KDM1A: variants seen among roughly 807,000 people sequenced by gnomAD.
KDM1A encodes the protein lysine-specific histone demethylase 1A.
Under a neutral mutation model 109.4 loss-of-function variants are expected in KDM1A, and 49 were observed. The observed-to-expected ratio is 0.45, with a 90% CI of 0.36 to 0.57. The LOEUF (loss-of-function observed/expected upper bound fraction) is 0.57. Among genes scored for constraint, KDM1A ranks in the 20% least tolerant of loss-of-function variants. The pLI is 0.00. For missense variants in KDM1A, 668 were observed against 1,116.6 expected (o/e 0.60, Z 5.73); for synonymous variants, 380 against 415.4 (o/e 0.91, Z 1.04).
chr1:23,019,500 C>T lies in KDM1A; in HGVS notation c.-97C>T, dbSNP rs949814928. ...GCGTACGCGACGGCGGTTGGCGGCG[C>T]GCGGGCAGCGTGAAGCGAGGCGAGG... On this transcript the variant is annotated 5_prime_UTR_variant, in exon 1 of 21. Coordinates refer to ENST00000400181, the MANE Select transcript of KDM1A (RefSeq NM_001009999.3). The T allele has an allele frequency of 1.3e-5, 17 of 1,298,936 alleles. No individual in the cohort carries two copies. Among genetic ancestry groups the T allele is most frequent in the Non-Finnish European group, 1.7e-5 (17 of 1,024,238 alleles). The allele number at this position is 1,298,936 out of a possible 1,614,324, so 80.5% of individuals were successfully genotyped here. A position where few individuals can be genotyped will look rare whatever the true frequency, so the allele number is the denominator to read the frequency against.
chr1:23,027,721 C>CTTTT (rs34716853), intron 1 of KDM1A, among the ~76,000 whole-genome samples: 1 of 136,530 alleles, frequency 7.3e-6, no homozygotes, highest in Admixed American at 7.3e-5. Context: ...CGCTCCCAGC[C>CTTTT]TTTTTTTTTT....
Position 23,019,780 on chromosome 1 carries a change from A to C in KDM1A, c.184A>C (p.Lys62Gln). ...PGAVGERTPR[K>Q]KEPPRASPPG... Reference sequence around the variant, plus strand: ...GGCGGTGGGGGAGCGCACACCCCGCAAGAAAGAGCCTCCGCGGGCCTCGCC... The same window carrying C: ...GGCGGTGGGGGAGCGCACACCCCGCCAGAAAGAGCCTCCGCGGGCCTCGCC... The change falls in exon 1 of 21, where the codon AAG becomes CAG. Residue 62 changes from lysine (K) to glutamine (Q), a missense_variant. Lys to Gln is a moderately conservative substitution (Grantham distance 53). This residue lies in a region of KDM1A where 156 missense variants were observed against 163.4 expected (regional missense o/e 0.95). Coordinates refer to ENST00000400181, the MANE Select transcript of KDM1A (RefSeq NM_001009999.3). 7.3e-7 allele frequency: 1 copy of C among 1,375,722 alleles called. No individual in the cohort carries two copies. Among genetic ancestry groups the C allele is most frequent in the Non-Finnish European group, 9.4e-7 (1 of 1,063,828 alleles). 85.2% of individuals were successfully genotyped at this position (1,375,722 alleles called of 1,614,324 possible).
rs1471164708 is a variant in KDM1A, at chr1:23,019,506, C to T, written c.-91C>T. ...GCGACGGCGGTTGGCGGCGCGCGGG[C>T]AGCGTGAAGCGAGGCGAGGCAAGGC... On this transcript the variant is annotated 5_prime_UTR_variant, in exon 1 of 21. Coordinates refer to ENST00000400181, the MANE Select transcript of KDM1A (RefSeq NM_001009999.3). 9.2e-6 allele frequency: 12 copies of T among 1,304,294 alleles called. No homozygotes were observed. In the East Asian group the frequency reaches 2.0e-4, roughly 22 times the overall value. 80.8% of individuals were successfully genotyped at this position (1,304,294 alleles called of 1,614,324 possible).
chr1:23,070,793 G>A (rs2124515269), intron 12 of KDM1A, among the ~76,000 whole-genome samples: 1 of 151,566 alleles, frequency 6.6e-6, no homozygotes, highest in African/African-American at 2.4e-5. Context: ...GGGCGACAGA[G>A]TGAGACTCTG....
intron 5 of KDM1A, among the ~76,000 whole-genome samples, chr1:23,054,768 G>A (rs376331877): frequency 6.6e-6 from 1 of 151,976 alleles, no homozygotes; most frequent in Non-Finnish European, 1.5e-5. Flanking sequence ...CTAGGACTAT[G>A]GGCATGCACC....
chr1:23,019,749 G>A lies in KDM1A; in HGVS notation c.153G>A (p.Gly51=), dbSNP rs1641552415. ...PAGLSGPAEV[G]PGAVGERTPR... ...GCCTGTCGGGCCCAGCCGAGGTCGG[G>A]CCGGGGGCGGTGGGGGAGCGCACAC... Residue 51 remains glycine (G), a synonymous_variant, in exon 1 of 21, where the codon GGG becomes GGA. Transcript: ENST00000400181. The A allele has an allele frequency of 2.2e-6, 3 of 1,343,114 alleles. No individual in the cohort carries two copies. Among genetic ancestry groups the A allele is most frequent in the African/African-American group, 1.5e-5 (1 of 64,782 alleles). 83.2% of individuals were successfully genotyped at this position (1,343,114 alleles called of 1,614,324 possible).
intron 1 of KDM1A, among the ~76,000 whole-genome samples, chr1:23,026,355 T>C (rs909122550): frequency 6.0e-5 from 9 of 150,536 alleles, no homozygotes; most frequent in African/African-American, 2.2e-4. Context: ...GGAAAAAGTT[T>C]TGTTTTTTTG....
chr1:23,073,813 T>C (rs932484883), intron 15 of KDM1A, among the ~76,000 whole-genome samples: 16 of 152,214 alleles, frequency 1.1e-4, no homozygotes, highest in Admixed American at 9.2e-4. Context: ...ATGAAGTTTT[T>C]GAGATTCATC....
intron 2 of KDM1A, among the ~76,000 whole-genome samples, chr1:23,032,957 T>C (rs1272995044): frequency 6.6e-6 from 1 of 152,182 alleles, no homozygotes; most frequent in Non-Finnish European, 1.5e-5. Context: ...TGGAGTGCAG[T>C]GGCATGATCT....
Position 23,019,865 on chromosome 1 carries a change from T to C in KDM1A, c.269T>C (p.Val90Ala). The C allele has an allele frequency of 6.5e-7, 1 of 1,544,446 alleles. No homozygotes were observed. Among genetic ancestry groups the C allele is most frequent in the Non-Finnish European group, 8.7e-7 (1 of 1,148,882 alleles). The change falls in exon 1 of 21, where the codon GTG (valine) becomes GCG (alanine). Residue 90 changes from valine to alanine, a missense_variant. Val to Ala is a moderately conservative substitution (Grantham distance 64, BLOSUM62 0). Around this residue, in one of 8 missense-constraint regions of KDM1A, gnomAD observed 156 missense variants for 163.4 expected, o/e 0.95. Coordinates refer to ENST00000400181, the MANE Select transcript of KDM1A (RefSeq NM_001009999.3). ...GGGCCTCAGGCCGGCCCTACTGTCGTGCCTGGGTCTGCGACCCCCATGGAA... is the reference window on the plus strand; with the variant it reads ...GGGCCTCAGGCCGGCCCTACTGTCGCGCCTGGGTCTGCGACCCCCATGGAA... ...SAGPQAGPTV[V>A]PGSATPMETG... is the part of the protein sequence containing the mutation.
chr1:23,062,979 G>T (rs1643042759), intron 9 of KDM1A, among the ~76,000 whole-genome samples: 1 of 152,088 alleles, frequency 6.6e-6, no homozygotes, highest in Admixed American at 6.6e-5. Context: ...CATGCGGAAG[G>T]TTGGGAAATA....
At chr1:23,027,057 A>G (rs759190555) in intron 1 of KDM1A, among the ~76,000 whole-genome samples, 2 of 152,136 alleles carry the variant, frequency 1.3e-5, no homozygotes, top group Non-Finnish European at 2.9e-5. Flanking sequence ...GCAATTTTAA[A>G]ATTATCTAAA....
chr1:23,079,072 C>T lies in KDM1A; in HGVS notation c.1950C>T (p.Pro650=), dbSNP rs766536428. ...GCGACGCAGTTCTCTGTACCCTTCC[C>T]CTGGGTGTGCTGAAGCAGCAGCCAC... ...YKCDAVLCTL[P]LGVLKQQPPA... The change falls in exon 17 of 21, where the codon CCC becomes CCT. Residue 650 remains proline, a synonymous_variant. Coordinates refer to ENST00000400181, the MANE Select transcript of KDM1A (RefSeq NM_001009999.3). This position sits in a 1 kb window ranked among gnomAD's most constrained non-coding sequence, Gnocchi z 5.6. 2 of 1,614,156 alleles carry T rather than the reference C, an allele frequency of 1.2e-6. No homozygotes were observed. Among genetic ancestry groups the T allele is most frequent in the Admixed American group, 1.7e-5 (1 of 60,022 alleles).
intron 1 of KDM1A, among the ~76,000 whole-genome samples, chr1:23,023,960 T>G (rs1641719304): frequency 6.6e-6 from 1 of 152,162 alleles, no homozygotes; most frequent in Non-Finnish European, 1.5e-5. Context: ...AGTGATGCTC[T>G]TATCTCAGCC....
intron 9 of KDM1A, among the ~76,000 whole-genome samples, chr1:23,059,987 C>G (rs1240148885): frequency 6.6e-6 from 1 of 152,106 alleles, no homozygotes; most frequent in East Asian, 1.9e-4. Context: ...CAAGGAACAT[C>G]CTCACTTACT....
chr1:23,077,342 G>A lies in KDM1A; in HGVS notation c.1849G>A (p.Val617Ile), dbSNP rs779991328. The stretch of plus-strand genomic sequence containing the variant: ...TAAACTGAATACAGCAGTGCGACAG[G>A]TTCGCTACACGGCTTCAGGTATGTC... ...DIKLNTAVRQVRYTASGCEVI... is the reference protein window; with the variant it reads ...DIKLNTAVRQIRYTASGCEVI... Residue 617 changes from valine (V) to isoleucine (I), a missense_variant, in exon 16 of 21, where the codon GTT becomes ATT. By Grantham distance (29) the Val-to-Ile change is conservative. Transcript: ENST00000400181. 4 of 1,613,026 alleles carry A rather than the reference G, an allele frequency of 2.5e-6. No homozygotes were observed. The Admixed American group carries it at 6.7e-5, about 27-fold the overall frequency.
At chr1:23,042,511 G>A (rs1472425163) in intron 2 of KDM1A, among the ~76,000 whole-genome samples, 3 of 129,042 alleles carry the variant, frequency 2.3e-5, no homozygotes, top group Non-Finnish European at 4.8e-5. Context: ...GGAGTGCAGT[G>A]GCGGGATCTC....
intron 1 of KDM1A, among the ~76,000 whole-genome samples, chr1:23,025,328 GAT>G (rs1491478671): frequency 1.2e-4 from 13 of 109,514 alleles, no homozygotes; most frequent in Non-Finnish European, 2.0e-4. Flanking sequence ...GAAGATGAAA[GAT>G]TTTTTTTTTT....
In KDM1A at chr1:23,079,401, G is replaced by C; in HGVS notation, c.2056-152G>C. 1.4e-6 allele frequency: 1 copy of C among 699,678 alleles called. No homozygotes were observed. The highest frequency in any genetic ancestry group is 2.4e-6 in the Non-Finnish European group (1 of 415,830). The allele number at this position is 699,678 out of a possible 1,614,324, so 43.3% of individuals were successfully genotyped here. On this transcript the variant is annotated intron_variant, in intron 17 of 20. Transcript: ENST00000400181. This position sits in a 1 kb window ranked among gnomAD's most constrained non-coding sequence, Gnocchi z 5.6. The stretch of plus-strand genomic sequence containing the variant: ...TTATGGGGTCATTTCACAAACTCAG[G>C]CCTATAAAAAGGGGATCGTAAATGT...
Sources: gnomAD v4.1 joint callset for allele counts (sites outside exome capture counted in the v4.1 genomes callset) on GRCh38, gnomAD v4.1.1 for gene constraint, gnomAD v4.1.1 regional missense constraint, Gnocchi (gnomAD v3.1) non-coding constraint, MANE v1.5 for transcripts, NCBI Gene and HGNC (gene_info 2026-07-23, HGNC 2026-07-21) for gene names.